The following ZNF354A variants were observed in gnomAD, a reference collection of about 807,000 sequenced individuals.
ZNF354A encodes epididymis luminal protein 104.
ZNF354A carries 25 observed loss-of-function variants against 53.3 expected under a neutral mutation model. The ratio of observed to expected loss-of-function variants is 0.47; its 90% confidence interval spans 0.34 to 0.66. The LOEUF is 0.66. Among genes scored for constraint, ZNF354A ranks in the 30% least tolerant of loss-of-function variants. ZNF354A has a pLI of 0.01. For missense variants in ZNF354A, 586 were observed against 716.8 expected (o/e 0.82, Z 2.08); for synonymous variants, 228 against 249.0 (o/e 0.92, Z 0.79).
chr5:178,713,033 C>A lies in ZNF354A; in HGVS notation c.845G>T (p.Ser282Ile), dbSNP rs1408465283. The A allele has an allele frequency of 1.2e-6, 2 of 1,613,854 alleles. No homozygotes were observed. The highest frequency in any genetic ancestry group is 3.3e-5 in the Admixed American group (2 of 59,990). Residue 282 changes from serine to isoleucine, a missense_variant, in exon 5 of 5, where the codon AGT becomes ATT. Transcript: ENST00000335815. ...TCTTAGATGTTTATAAAGGGATGTA[C>A]TGAGAGTAAAGGCTTTCCCACATTC... ...CKECGKAFTL[S>I]TSLYKHLRTH...
rs1236950922 is a variant in ZNF354A at position 178,730,649 on chromosome 5, C to G, written c.-145G>C. ...GCAGCCTCGCGACCCGGCTCCGCCC[C>G]GACGGCGTCTGGGCGACCTCAGGCC... On this transcript the variant is annotated 5_prime_UTR_variant, in exon 1 of 5. Transcript: ENST00000335815. The G allele has an allele frequency of 6.6e-6, 1 of 151,906 alleles. No homozygotes were observed. Among genetic ancestry groups the G allele is most frequent in the South Asian group, 2.1e-4 (1 of 4,832 alleles). The allele number at this position is 151,906 out of a possible 1,614,324, so 9.4% of individuals were successfully genotyped here. A position where few individuals can be genotyped will look rare whatever the true frequency, so the allele number is the denominator to read the frequency against.
At position 178,725,357 on chromosome 5, in the gene ZNF354A, C is replaced by A. The variant is rs767879516; in HGVS notation, c.256+19G>T. The A allele has an allele frequency of 2.5e-6, 4 of 1,612,024 alleles. No homozygotes were observed. The highest frequency in any genetic ancestry group is 3.3e-5 in the Admixed American group (2 of 60,018). The stretch of plus-strand genomic sequence containing the variant: ...GACCATTGTCTGCGGCCATTCCGCA[C>A]CTCGGGCCACCCACTTACCTAGAGA... On this transcript the variant is annotated intron_variant, in intron 4 of 4. Coordinates refer to ENST00000335815, the MANE Select transcript of ZNF354A (RefSeq NM_005649.3).
chr5:178,714,608 T>C (rs1021710112), intron 4 of ZNF354A, among the ~76,000 whole-genome samples: 1 of 152,224 alleles, frequency 6.6e-6, no homozygotes, highest in Non-Finnish European at 1.5e-5. Flanking sequence ...ACAGATCCTC[T>C]TGACAGCACT....
chr5:178,720,247 T>G (rs370869720), intron 4 of ZNF354A, among the ~76,000 whole-genome samples: 1 of 152,248 alleles, frequency 6.6e-6, no homozygotes, highest in Non-Finnish European at 1.5e-5. Flanking sequence ...ACTATTCTAT[T>G]GACAACCTTG....
chr5:178,716,002 T>G (rs978802565), intron 4 of ZNF354A, among the ~76,000 whole-genome samples: 18 of 152,002 alleles, frequency 1.2e-4, no homozygotes, highest in African/African-American at 4.1e-4. Flanking sequence ...GTTCAAGTGA[T>G]TCTCCTGCCT....
At chr5:178,726,316 C>CT (rs34544499) in intron 3 of ZNF354A, 89,251 of 336,500 alleles carry the variant, frequency 0.27, 5,249 homozygotes, top group South Asian at 0.32. Context: ...TACTACGTGG[C>CT]TTTTTTTTTT....
Position 178,725,508 on chromosome 5 carries a change from G to T in ZNF354A, c.161-37C>A, listed in dbSNP as rs1233270244. 3 of 1,596,716 alleles carry T rather than the reference G, an allele frequency of 1.9e-6. No individual in the cohort carries two copies. In the African/African-American group the frequency reaches 4.0e-5, roughly 21 times the overall value. Reference sequence around the variant, plus strand: ...CAAAAAACCACAACCAAACAAATCAGACTTGGTTTTGTATTGATACAGTTA... The same window carrying T: ...CAAAAAACCACAACCAAACAAATCATACTTGGTTTTGTATTGATACAGTTA... On this transcript the variant is annotated intron_variant, in intron 3 of 4. Transcript: ENST00000335815.
intron 4 of ZNF354A, 58 bp from the exon 5 acceptor site, chr5:178,713,679 G>A: frequency 2.0e-6 from 3 of 1,485,290 alleles, no homozygotes; most frequent in East Asian, 4.6e-5. Context: ...TCTGACTACT[G>A]AGACTAAAAG....
intron 4 of ZNF354A, among the ~76,000 whole-genome samples, chr5:178,714,041 C>G (rs1245257326): frequency 6.6e-6 from 1 of 151,160 alleles, no homozygotes; most frequent in Non-Finnish European, 1.5e-5. Context: ...CAGTCTCACT[C>G]TGTCGCCCAG....
At chr5:178,717,623 A>G (rs780786701) in intron 4 of ZNF354A, among the ~76,000 whole-genome samples, 22 of 152,106 alleles carry the variant, frequency 1.4e-4, no homozygotes, top group Non-Finnish European at 2.6e-4. Context: ...ATACTGAAAT[A>G]CTAGATTGTA....
chr5:178,726,848 G>C, intron 3 of ZNF354A, 151 bp downstream of exon 3: 1 of 1,217,834 alleles, frequency 8.2e-7, no homozygotes, highest in Non-Finnish European at 1.1e-6. Flanking sequence ...AGGGGGAATA[G>C]GTTTTTAATG....
At chr5:178,717,802 A>G (rs1765741487) in intron 4 of ZNF354A, among the ~76,000 whole-genome samples, 1 of 152,160 alleles carries the variant, frequency 6.6e-6, no homozygotes, top group African/African-American at 2.4e-5. Flanking sequence ...TCCAGAAGCC[A>G]AGGGAAGAAG....
intron 3 of ZNF354A, chr5:178,726,240 TG>T (rs1355794063): frequency 2.2e-6 from 1 of 453,418 alleles, no homozygotes; most frequent in African/African-American, 2.0e-5. Context: ...GTGCAAAGAA[TG>T]GTGGGAAAAA....
intron 1 of ZNF354A, 28 bp downstream of exon 1, chr5:178,730,528 A>C (rs1402104896): frequency 6.6e-6 from 1 of 151,864 alleles, no homozygotes; most frequent in Non-Finnish European, 1.5e-5. Flanking sequence ...GCCGCCTCCT[A>C]CCGGCTTGGC....
intron 4 of ZNF354A, among the ~76,000 whole-genome samples, chr5:178,721,127 T>C (rs1425696095): frequency 2.0e-5 from 3 of 152,314 alleles, no homozygotes; most frequent in African/African-American, 7.2e-5. Flanking sequence ...GAGATAACCA[T>C]TTTTATTGAT....
chr5:178,718,518 T>TTACAGAGG (rs1438494751), intron 4 of ZNF354A, among the ~76,000 whole-genome samples: 1 of 152,222 alleles, frequency 6.6e-6, no homozygotes, highest in Non-Finnish European at 1.5e-5. Context: ...GAAAAATACT[T>TTACAGAGG]TACAGAGGTC....
At chr5:178,725,351 T>G in intron 4 of ZNF354A, 25 bp downstream of exon 4, 9 of 1,607,530 alleles carry the variant, frequency 5.6e-6, no homozygotes, top group Non-Finnish European at 7.7e-6. Context: ...CTGCGGCCAT[T>G]CCGCACCTCG....
intron 4 of ZNF354A, among the ~76,000 whole-genome samples, chr5:178,716,704 A>G (rs1306580026): frequency 1.3e-5 from 2 of 152,208 alleles, no homozygotes; most frequent in African/African-American, 2.4e-5. Flanking sequence ...CAACACACAC[A>G]AAAGTGAGGC....
chr5:178,725,642 C>T (rs564162065), intron 3 of ZNF354A, among the ~76,000 whole-genome samples, 171 bp from the exon 4 acceptor site: 1 of 152,114 alleles, frequency 6.6e-6, no homozygotes, highest in African/African-American at 2.4e-5. Context: ...GAGGAAAAGA[C>T]AAGTGACTTG....
Sources: allele counts gnomAD v4.1 joint callset (sites outside exome capture counted in the v4.1 genomes callset), GRCh38; gene constraint gnomAD v4.1.1; transcripts MANE v1.5; gene names NCBI Gene and HGNC (gene_info 2026-07-23, HGNC 2026-07-21).